EGF: variants seen among roughly 807,000 people sequenced by gnomAD.
EGF encodes the protein pro-epidermal growth factor.
Under a neutral mutation model 143.8 loss-of-function variants are expected in EGF, and 95 were observed. The observed-to-expected ratio is 0.66, with a 90% CI of 0.56 to 0.78. EGF has a LOEUF of 0.78. Among genes scored for constraint, EGF ranks in the 30% least tolerant of loss-of-function variants. The pLI is 0.00. For missense variants in EGF, 1,320 were observed against 1,470.9 expected (o/e 0.90, Z 1.68); for synonymous variants, 510 against 510.5 (o/e 1.00, Z 0.01).
Position 109,933,573 on chromosome 4 carries a change from G to GC in EGF, c.128-7367dup, listed in dbSNP as rs1030810980. On this transcript the variant is annotated intron_variant, in intron 1 of 23. Transcript: ENST00000265171. The stretch of plus-strand genomic sequence containing the variant: ...TTCTCCCAACGCTATCCCTCCACCA[G>GC]CCCCCCACCTCCCAACAGGCCCCGG... Among the ~76,000 whole-genome samples the GC allele has an allele frequency of 5.3e-4, 81 of 151,764 alleles. 1 individual carries two copies. The Middle Eastern group carries it at 0.01, about 19-fold the overall frequency.
intron 21 of EGF, among the ~76,000 whole-genome samples, chr4:110,003,818 T>C (rs1451977375): frequency 1.3e-5 from 2 of 151,268 alleles, no homozygotes; most frequent in Non-Finnish European, 1.5e-5. Context: ...GCTTAGCCAC[T>C]ATGAGATTTT....
At chr4:109,958,416 T>C (rs1484211644) in intron 5 of EGF, among the ~76,000 whole-genome samples, 1 of 152,204 alleles carries the variant, frequency 6.6e-6, no homozygotes, top group Non-Finnish European at 1.5e-5. Context: ...TTATTCAATA[T>C]AGCTGGCTAA....
intron 16 of EGF, among the ~76,000 whole-genome samples, chr4:109,985,579 T>G (rs2126129038): frequency 6.6e-6 from 1 of 152,264 alleles, no homozygotes; most frequent in South Asian, 2.1e-4. Context: ...CAGCCCATGG[T>G]GTGTTTCTTA....
intron 1 of EGF, among the ~76,000 whole-genome samples, chr4:109,936,014 T>G (rs2125988562): frequency 6.6e-6 from 1 of 152,282 alleles, no homozygotes; most frequent in South Asian, 2.1e-4. Context: ...CTCTTTTTTT[T>G]GTTGTGTCTC....
intron 16 of EGF, among the ~76,000 whole-genome samples, chr4:109,985,652 C>T (rs1445600901): frequency 2.0e-5 from 3 of 152,176 alleles, no homozygotes; most frequent in Non-Finnish European, 4.4e-5. Flanking sequence ...AGTTCCTGAC[C>T]GGGCTAGGGC....
chr4:109,921,678 G>C (rs1432399810), intron 1 of EGF, among the ~76,000 whole-genome samples: 1 of 151,556 alleles, frequency 6.6e-6, no homozygotes, highest in Non-Finnish European at 1.5e-5. Flanking sequence ...TCCATGAGGT[G>C]GTTCTTTCTG....
intron 21 of EGF, among the ~76,000 whole-genome samples, chr4:110,001,396 T>C (rs1055748357): frequency 5.3e-5 from 8 of 152,240 alleles, no homozygotes; most frequent in African/African-American, 1.4e-4. Context: ...AGGCACAAAC[T>C]TGACATTTTA....
At chr4:109,976,304 T>G in intron 13 of EGF, 69 bp downstream of exon 13, 1 of 1,297,348 alleles carries the variant, frequency 7.7e-7, no homozygotes, top group Middle Eastern at 2.5e-4. Flanking sequence ...ACAAAATATG[T>G]TTACACACAC....
At chr4:109,975,626 A>C (rs191164886) in intron 12 of EGF, among the ~76,000 whole-genome samples, 17 of 152,242 alleles carry the variant, frequency 1.1e-4, no homozygotes, top group African/African-American at 4.1e-4. Context: ...TGAATTTTAC[A>C]TATGCATAAC....
intron 1 of EGF, among the ~76,000 whole-genome samples, chr4:109,930,926 G>C (rs976654428): frequency 1.3e-5 from 2 of 152,202 alleles, no homozygotes; most frequent in African/African-American, 2.4e-5. Flanking sequence ...TGAGAAGTCA[G>C]AGGTTCTAAT....
At chr4:109,948,485 G>C (rs1462959647) in intron 5 of EGF, among the ~76,000 whole-genome samples, 1 of 151,838 alleles carries the variant, frequency 6.6e-6, no homozygotes, top group Non-Finnish European at 1.5e-5. Context: ...ACATCCTTCG[G>C]ATTTTTTTTT....
rs2126012395 is a variant in EGF at position 109,945,159 on chromosome 4, A to G, written c.824A>G (p.His275Arg). The G allele has an allele frequency of 1.2e-6, 2 of 1,614,184 alleles. No homozygotes were observed. Among genetic ancestry groups the G allele is most frequent in the Admixed American group, 1.7e-5 (1 of 60,018 alleles). Residue 275 changes from histidine (H) to arginine (R), a missense_variant, in exon 5 of 24, where the codon CAC becomes CGC. Coordinates refer to ENST00000265171, the MANE Select transcript of EGF (RefSeq NM_001963.6). ...KMKTIWIANK[H>R]TGKDMVRINL... is the part of the protein sequence containing the mutation. Reference sequence around the variant, plus strand: ...AAGACAATTTGGATAGCCAACAAACACACTGGAAAGGACATGGTTAGAATT... The same window carrying G: ...AAGACAATTTGGATAGCCAACAAACGCACTGGAAAGGACATGGTTAGAATT...
chr4:109,913,066 T>G lies in EGF; in HGVS notation c.-270T>G, dbSNP rs901572263. The G allele has an allele frequency of 1.7e-5, 7 of 408,398 alleles. No individual in the cohort carries two copies. Among genetic ancestry groups the G allele is most frequent in the Non-Finnish European group, 3.2e-5 (7 of 216,904 alleles). The allele number at this position is 408,398 out of a possible 1,614,324, so 25.3% of individuals were successfully genotyped here. ...CTGTTAAACTCTGTGAAATTTGTCA[T>G]AAGGGTGTCAGGTATTTCTTACTGG... On this transcript the variant is annotated 5_prime_UTR_variant, in exon 1 of 24. Coordinates refer to ENST00000265171, the MANE Select transcript of EGF (RefSeq NM_001963.6).
In EGF at chr4:110,013,453, C is replaced by A. The variant is rs568606686; in HGVS notation, c.*1998C>A. On this transcript the variant is annotated 3_prime_UTR_variant, in exon 24 of 24. Coordinates refer to ENST00000265171, the MANE Select transcript of EGF (RefSeq NM_001963.6). Reference sequence around the variant, plus strand: ...ACTAGGCTATCTACCAGCTCCTGGTCGGATTAAAGAAAAAACACACTTTGT... The same window carrying A: ...ACTAGGCTATCTACCAGCTCCTGGTAGGATTAAAGAAAAAACACACTTTGT... Among the ~76,000 whole-genome samples the A allele has an allele frequency of 2.0e-5, 3 of 152,064 alleles. No individual in the cohort carries two copies. The highest frequency in any genetic ancestry group is 7.2e-5 in the African/African-American group (3 of 41,410).
intron 1 of EGF, among the ~76,000 whole-genome samples, chr4:109,930,679 A>G (rs1739530805): frequency 6.6e-6 from 1 of 152,174 alleles, no homozygotes; most frequent in Admixed American, 6.5e-5. Flanking sequence ...GAAGACAGGT[A>G]ATGTCTCTTC....
chr4:109,993,195 C>G (rs1751276975), intron 18 of EGF, 52 bp from the exon 19 acceptor site: 3 of 1,609,838 alleles, frequency 1.9e-6, no homozygotes, highest in South Asian at 2.2e-5. Flanking sequence ...ACTATAAAAC[C>G]CTCTTTTTCT....
chr4:109,964,338 G>A, intron 9 of EGF, 63 bp from the exon 10 acceptor site: 3 of 1,598,368 alleles, frequency 1.9e-6, no homozygotes, highest in South Asian at 1.1e-5. Flanking sequence ...GGAAGAGTCA[G>A]AGATGCCTCT....
At chr4:109,968,853 T>A in intron 10 of EGF, 118 bp from the exon 11 acceptor site, 1 of 1,340,608 alleles carries the variant, frequency 7.5e-7, no homozygotes, top group Middle Eastern at 2.4e-4. Context: ...GTTGCAGGTG[T>A]GCCTATCTCC....
chr4:109,972,962 C>T (rs573937774), intron 11 of EGF, among the ~76,000 whole-genome samples: 7 of 152,138 alleles, frequency 4.6e-5, no homozygotes, highest in Non-Finnish European at 5.9e-5. Flanking sequence ...CAGACATTGC[C>T]CTCAAGAGCA....
Sources: allele counts gnomAD v4.1 joint callset (sites outside exome capture counted in the v4.1 genomes callset), GRCh38; gene constraint gnomAD v4.1.1; transcripts MANE v1.5; gene names NCBI Gene and HGNC (gene_info 2026-07-23, HGNC 2026-07-21).